Variants in SPECC1 observed in about 807,000 individuals in gnomAD.
SPECC1 encodes cytospin-B.
In SPECC1, 62 loss-of-function variants were observed where a neutral mutation model predicts 104.1. The observed-to-expected ratio is 0.60, with a 90% confidence interval of 0.49 to 0.74. The LOEUF is 0.74. SPECC1 is among the 30% of genes least tolerant of loss of function. The probability of loss-of-function intolerance (pLI) is 0.00; values close to 1 mark genes in which losing one functional copy is unlikely to be tolerated. For missense variants in SPECC1, 1,306 were observed against 1,310.5 expected (o/e 1.00, Z 0.05); for synonymous variants, 513 against 501.6 (o/e 1.02, Z -0.30).
intron 14 of SPECC1, among the ~76,000 whole-genome samples, chr17:20,309,559 C>A (rs975182239): frequency 3.3e-5 from 5 of 152,028 alleles, no homozygotes; most frequent in African/African-American, 7.3e-5. Flanking sequence ...CCTCCTTTCT[C>A]CCTCTTGTAG....
At chr17:20,133,089 G>A (rs1287027746) in intron 3 of SPECC1, among the ~76,000 whole-genome samples, 1 of 152,010 alleles carries the variant, frequency 6.6e-6, no homozygotes, top group Non-Finnish European at 1.5e-5. Flanking sequence ...TTGAGTCTGT[G>A]GAGTCTGTAG....
At chr17:20,102,751 C>T (rs978521227) in intron 2 of SPECC1, among the ~76,000 whole-genome samples, 9 of 152,224 alleles carry the variant, frequency 5.9e-5, no homozygotes, top group Middle Eastern at 3.4e-3. Flanking sequence ...CGTTGCATTG[C>T]GTTCATTTTT....
At chr17:20,252,729 T>C (rs2039677278) in intron 9 of SPECC1, among the ~76,000 whole-genome samples, 2 of 152,230 alleles carry the variant, frequency 1.3e-5, no homozygotes, top group Non-Finnish European at 2.9e-5. Flanking sequence ...AATATTCCAT[T>C]GTATATTCTA....
chr17:20,078,090 A>G (rs1597658058), intron 1 of SPECC1, among the ~76,000 whole-genome samples: 1 of 151,516 alleles, frequency 6.6e-6, no homozygotes, highest in Admixed American at 6.6e-5. Flanking sequence ...ACATATATAC[A>G]TAAAAAGACA....
At chr17:20,186,995 G>A (rs1408184945) in intron 3 of SPECC1, among the ~76,000 whole-genome samples, 1 of 152,106 alleles carries the variant, frequency 6.6e-6, no homozygotes, top group Non-Finnish European at 1.5e-5. Flanking sequence ...ACAGGTTTGA[G>A]TATCCCTTAT....
rs531912350 is a variant in SPECC1 at position 20,107,144 on chromosome 17, CAAAAAAAAAAAAA to C, written c.148-3270_148-3258del. 1.3e-4 allele frequency among the ~76,000 whole-genome samples: 9 copies of C among 68,190 alleles called. No individual in the cohort carries two copies. In the Admixed American group the frequency reaches 1.4e-3, roughly 11 times the overall value. The allele number at this position is 68,190 out of a possible 152,430, so 44.7% of individuals were successfully genotyped here. A position where few individuals can be genotyped will look rare whatever the true frequency, so the allele number is the denominator to read the frequency against. ...GGGCGACAGAGTGAGACTCGTGTCT[CAAAAAAAAAAAAA>C]AAAAAAAAAAAAGAAAAGAAAAACA... On this transcript the variant is annotated intron_variant, in intron 2 of 14. Transcript: ENST00000395527.
intron 2 of SPECC1, among the ~76,000 whole-genome samples, chr17:20,098,231 G>A (rs556181654): frequency 4.0e-4 from 61 of 151,838 alleles, no homozygotes; most frequent in Non-Finnish European, 7.4e-4. Context: ...TGTGTAAATA[G>A]CAACTCCATC....
chr17:20,112,268 G>A, intron 3 of SPECC1: 1 of 762,244 alleles, frequency 1.3e-6, no homozygotes, highest in Non-Finnish European at 2.5e-6. Context: ...AACCCATTTT[G>A]AACTACTTGT....
intron 1 of SPECC1, among the ~76,000 whole-genome samples, chr17:20,069,205 C>T (rs1023950340): frequency 2.0e-5 from 3 of 152,226 alleles, no homozygotes; most frequent in Non-Finnish European, 4.4e-5. Context: ...ATGCAGTATT[C>T]GGTTTTCTGT....
In SPECC1 at chr17:20,314,234, C is replaced by T. The variant is rs1476000462; in HGVS notation, c.*169C>T. 4 of 627,808 alleles carry T rather than the reference C, an allele frequency of 6.4e-6. No homozygotes were observed. Among genetic ancestry groups the T allele is most frequent in the Middle Eastern group, 4.3e-4 (1 of 2,350 alleles). 38.9% of individuals were successfully genotyped at this position (627,808 alleles called of 1,614,324 possible). Reference sequence around the variant, plus strand: ...CAAATAAGAAACAGAGTGGGTCCCACGATGTACCTGTCTGAAATGCAAATG... The same window carrying T: ...CAAATAAGAAACAGAGTGGGTCCCATGATGTACCTGTCTGAAATGCAAATG... On this transcript the variant is annotated 3_prime_UTR_variant, in exon 15 of 15. Transcript: ENST00000395527.
At chr17:20,234,876 A>G (rs561936337) in intron 7 of SPECC1, among the ~76,000 whole-genome samples, 4 of 152,380 alleles carry the variant, frequency 2.6e-5, no homozygotes, top group Admixed American at 6.5e-5. Context: ...GATATTATCT[A>G]ACTCATCCAT....
chr17:20,207,275 C>T (rs1233447795), intron 4 of SPECC1, among the ~76,000 whole-genome samples: 1 of 152,190 alleles, frequency 6.6e-6, no homozygotes, highest in Non-Finnish European at 1.5e-5. Flanking sequence ...ATTTGGCCAT[C>T]TGATGAGCTT....
chr17:20,130,422 C>T (rs2152546628), intron 3 of SPECC1, among the ~76,000 whole-genome samples: 1 of 152,234 alleles, frequency 6.6e-6, no homozygotes, highest in Middle Eastern at 3.4e-3. Flanking sequence ...GTGGTCCCAG[C>T]TACTTGAGAT....
At chr17:20,218,806 A>C (rs1598008901) in intron 4 of SPECC1, among the ~76,000 whole-genome samples, 1 of 151,968 alleles carries the variant, frequency 6.6e-6, no homozygotes, top group Non-Finnish European at 1.5e-5. Flanking sequence ...CCCCTGCCCC[A>C]CCACCCTTCC....
intron 3 of SPECC1, among the ~76,000 whole-genome samples, chr17:20,144,957 T>C (rs71369459): frequency 1.3e-5 from 2 of 152,206 alleles, no homozygotes; most frequent in African/African-American, 4.8e-5. Context: ...TATAGCAAGG[T>C]TATTCATATT....
chr17:20,240,072 T>A lies in SPECC1; in HGVS notation c.2352-5854T>A, dbSNP rs1242559469. Among the ~76,000 whole-genome samples the A allele has an allele frequency of 2.9e-4, 31 of 107,542 alleles. 1 individual carries two copies. The highest frequency in any genetic ancestry group is 5.3e-4 in the Non-Finnish European group (27 of 51,370). 70.6% of individuals were successfully genotyped at this position (107,542 alleles called of 152,430 possible). On this transcript the variant is annotated intron_variant, in intron 7 of 14. Transcript: ENST00000395527. The stretch of plus-strand genomic sequence containing the variant: ...CCATGTCCAGCTAATTTTTTTTTTT[T>A]TTTTTTTTTTTTTTTTTTTTGGTAG...
intron 13 of SPECC1, among the ~76,000 whole-genome samples, chr17:20,298,210 G>A (rs1245766539): frequency 6.6e-6 from 1 of 152,138 alleles, no homozygotes; most frequent in African/African-American, 2.4e-5. Flanking sequence ...AAATTAGCTG[G>A]GCATGGTGGT....
intron 14 of SPECC1, among the ~76,000 whole-genome samples, chr17:20,313,004 TTC>T (rs2041972059): frequency 6.6e-6 from 1 of 152,190 alleles, no homozygotes; most frequent in South Asian, 2.1e-4. Flanking sequence ...TTTCCTACTA[TTC>T]TCTTTTAACC....
rs74824891 is a variant in SPECC1 at position 20,176,142 on chromosome 17, T to G, written c.284-28191T>G. On this transcript the variant is annotated intron_variant, in intron 3 of 14. Transcript: ENST00000395527. ...GATCGCAGGCTAGTTTCTTGCTTGC[T>G]TGCTACATTCCCCTCCTGTGTAAAA... Among the ~76,000 whole-genome samples, 456 of 152,330 alleles carry G rather than the reference T, an allele frequency of 3.0e-3. 18 individuals carry two copies. The East Asian group carries it at 0.085, about 28-fold the overall frequency.
Sources: allele counts gnomAD v4.1 joint callset (sites outside exome capture counted in the v4.1 genomes callset), GRCh38; gene constraint gnomAD v4.1.1; transcripts MANE v1.5; gene names NCBI Gene and HGNC (gene_info 2026-07-23, HGNC 2026-07-21).